The following MLIP variants were observed in gnomAD, a reference collection of about 807,000 sequenced individuals.
MLIP encodes the protein muscular LMNA-interacting protein.
In MLIP, 79 loss-of-function variants were observed where a neutral mutation model predicts 84.8. The observed-to-expected ratio is 0.93, with a 90% CI of 0.78 to 1.12. The LOEUF is 1.12. MLIP is among the 50% of genes most tolerant of loss of function. The pLI, the probability that MLIP is intolerant of heterozygous loss-of-function variation, is 0.00. For missense variants in MLIP, 1,257 were observed against 1,160.6 expected (o/e 1.08, Z -1.21); for synonymous variants, 504 against 463.0 (o/e 1.09, Z -1.14).
chr6:54,105,479 A>C (rs1436158234), intron 1 of MLIP, among the ~76,000 whole-genome samples: 1 of 152,222 alleles, frequency 6.6e-6, no homozygotes, highest in African/African-American at 2.4e-5. Flanking sequence ...TCATTGGACA[A>C]GTATTTATTG....
chr6:54,190,675 A>T (rs1241614479), intron 10 of MLIP, among the ~76,000 whole-genome samples: 1 of 152,212 alleles, frequency 6.6e-6, no homozygotes, highest in Non-Finnish European at 1.5e-5. Context: ...ATTTGAAGAT[A>T]AAATTTGATT....
intron 12 of MLIP, among the ~76,000 whole-genome samples, chr6:54,256,675 C>A (rs1486404157): frequency 6.6e-6 from 1 of 151,888 alleles, no homozygotes; most frequent in African/African-American, 2.4e-5. Context: ...CTCAGAAGAC[C>A]CACATAGCAA....
intron 11 of MLIP, among the ~76,000 whole-genome samples, chr6:54,223,000 T>A (rs923458114): frequency 1.3e-5 from 2 of 152,054 alleles, no homozygotes; most frequent in Non-Finnish European, 2.9e-5. Flanking sequence ...GTTGGTCTTT[T>A]CATATGCTCA....
intron 1 of MLIP, among the ~76,000 whole-genome samples, chr6:54,063,721 C>CGT (rs368630379): frequency 0.21 from 29,637 of 143,028 alleles, 3,075 homozygotes; most frequent in East Asian, 0.39. Context: ...AGGTCAGTGG[C>CGT]GTGTGTGTGT....
intron 8 of MLIP, among the ~76,000 whole-genome samples, chr6:54,165,730 A>G (rs1327924537): frequency 6.6e-6 from 1 of 151,992 alleles, no homozygotes; most frequent in Non-Finnish European, 1.5e-5. Flanking sequence ...AGAAAGAAGT[A>G]CTAATTCTAG....
At position 54,137,815 on chromosome 6, in the gene MLIP, C is replaced by T. The variant is rs1345869422; in HGVS notation, c.1746C>T (p.Tyr582=). Residue 582 remains tyrosine, a synonymous_variant, in exon 4 of 14, where the codon TAC becomes TAT. Coordinates refer to ENST00000502396, the MANE Select transcript of MLIP (RefSeq NM_001281747.2). ...GPENPRNIHT[Y]PSTLASSALS... is the part of the protein sequence containing the mutation. Reference sequence around the variant, plus strand: ...AAAACCCCAGAAACATTCACACGTACCCTTCTACATTAGCCTCCTCTGCAT... The same window carrying T: ...AAAACCCCAGAAACATTCACACGTATCCTTCTACATTAGCCTCCTCTGCAT... 9.8e-6 allele frequency: 15 copies of T among 1,536,102 alleles called. No homozygotes were observed. Among genetic ancestry groups the T allele is most frequent in the Non-Finnish European group, 1.2e-5 (14 of 1,146,906 alleles).
intron 1 of MLIP, among the ~76,000 whole-genome samples, chr6:54,103,359 G>T (rs1768790053): frequency 1.3e-5 from 2 of 152,112 alleles, no homozygotes; most frequent in South Asian, 4.1e-4. Flanking sequence ...GCTCAATATG[G>T]TTCTATCCCA....
intron 1 of MLIP, among the ~76,000 whole-genome samples, chr6:54,105,809 G>A (rs1768970256): frequency 1.3e-5 from 2 of 152,102 alleles, no homozygotes; most frequent in African/African-American, 4.8e-5. Flanking sequence ...AGTAGGATTA[G>A]CATGTTCTAG....
intron 12 of MLIP, among the ~76,000 whole-genome samples, chr6:54,246,542 C>A (rs1782095920): frequency 6.6e-6 from 1 of 151,750 alleles, no homozygotes; most frequent in Admixed American, 6.6e-5. Context: ...CTCTTGTTGT[C>A]CAGATATTTT....
At chr6:54,248,568 A>G (rs1233101501) in intron 12 of MLIP, among the ~76,000 whole-genome samples, 1 of 152,170 alleles carries the variant, frequency 6.6e-6, no homozygotes, top group Middle Eastern at 3.2e-3. Flanking sequence ...TTTGTTTTTA[A>G]ATAGGCTGGA....
At chr6:54,129,651 G>A (rs1371328861) in intron 3 of MLIP, among the ~76,000 whole-genome samples, 1 of 152,158 alleles carries the variant, frequency 6.6e-6, no homozygotes, top group Non-Finnish European at 1.5e-5. Flanking sequence ...AAGCTGGGAG[G>A]TTAAACGTTC....
intron 12 of MLIP, among the ~76,000 whole-genome samples, chr6:54,252,070 CAT>C (rs1379734138): frequency 1.1e-5 from 1 of 88,778 alleles, no homozygotes; most frequent in Admixed American, 2.0e-4. Context: ...TATATTATAA[CAT>C]ATAATATATA....
intron 10 of MLIP, among the ~76,000 whole-genome samples, chr6:54,199,120 A>G (rs1778497028): frequency 6.6e-6 from 1 of 152,156 alleles, no homozygotes. Context: ...ATAAATTTTA[A>G]AGGAATAAAA....
intron 11 of MLIP, among the ~76,000 whole-genome samples, chr6:54,207,640 C>G (rs1330240710): frequency 6.6e-6 from 1 of 152,148 alleles, no homozygotes; most frequent in Non-Finnish European, 1.5e-5. Context: ...GCCACTCTAT[C>G]ATAATGGTCT....
intron 3 of MLIP, among the ~76,000 whole-genome samples, chr6:54,130,760 G>T (rs1582222752): frequency 6.6e-6 from 1 of 152,246 alleles, no homozygotes; most frequent in East Asian, 1.9e-4. Context: ...CAGAGGCAGT[G>T]TTGCTGAAAT....
intron 12 of MLIP, among the ~76,000 whole-genome samples, chr6:54,234,315 T>G (rs1198432548): frequency 1.3e-5 from 2 of 152,044 alleles, no homozygotes; most frequent in Non-Finnish European, 2.9e-5. Flanking sequence ...CTTATTAGAG[T>G]ATTATGAAAA....
intron 1 of MLIP, among the ~76,000 whole-genome samples, chr6:54,063,608 T>C (rs761289047): frequency 6.6e-6 from 1 of 152,078 alleles, no homozygotes; most frequent in Non-Finnish European, 1.5e-5. Context: ...AGGTCAAATA[T>C]TGTTAAGGTA....
rs151272995 is a variant in MLIP, at chr6:54,159,270, G to A, written c.2290-1097G>A. Reference sequence around the variant, plus strand: ...GTAGGAAAAAATAACCTTTAGTCACGAGCCTACCCTGAGACAGGTTTGAGA... The same window carrying A: ...GTAGGAAAAAATAACCTTTAGTCACAAGCCTACCCTGAGACAGGTTTGAGA... On this transcript the variant is annotated intron_variant, in intron 5 of 13. Coordinates refer to ENST00000502396, the MANE Select transcript of MLIP (RefSeq NM_001281747.2). 9.8e-3 allele frequency among the ~76,000 whole-genome samples: 1,492 copies of A among 152,036 alleles called. 10 individuals carry two copies. Among genetic ancestry groups the A allele is most frequent in the Non-Finnish European group, 0.017 (1,133 of 67,960 alleles).
intron 12 of MLIP, 40 bp from the exon 13 acceptor site, chr6:54,257,268 T>G (rs1783068382): frequency 6.7e-7 from 1 of 1,482,838 alleles, no homozygotes; most frequent in South Asian, 1.2e-5. Context: ...TTTTTCTCAC[T>G]TCTACTCCTG....
Sources: allele counts gnomAD v4.1 joint callset (sites outside exome capture counted in the v4.1 genomes callset), GRCh38; gene constraint gnomAD v4.1.1; transcripts MANE v1.5; gene names NCBI Gene and HGNC (gene_info 2026-07-23, HGNC 2026-07-21).